The following NRG3 variants were observed in gnomAD, a reference collection of about 807,000 sequenced individuals.
The protein encoded by NRG3 is pro-neuregulin-3, membrane-bound isoform.
NRG3 carries 31 observed loss-of-function variants against 66.9 expected under a neutral mutation model. That is an observed-to-expected ratio of 0.46 (90% CI 0.35 to 0.63). The LOEUF is 0.63. Ranked by LOEUF, NRG3 falls within the 20% of genes least tolerant of loss-of-function variation. The pLI, the probability that NRG3 is intolerant of heterozygous loss-of-function variation, is 0.00. For missense variants in NRG3, 910 were observed against 878.9 expected, an observed-to-expected ratio of 1.04 and a Z score of -0.45; for synonymous variants, 393 against 359.4, an observed-to-expected ratio of 1.09 and a Z score of -1.06.
intron 2 of NRG3, among the ~76,000 whole-genome samples, chr10:82,380,268 T>TG (rs2085526480): frequency 1.7e-5 from 1 of 58,140 alleles, no homozygotes; most frequent in South Asian, 3.3e-4. Context: ...GCAGATCAGA[T>TG]TTTTTTTGCA....
At chr10:82,085,923 C>T (rs1162838407) in intron 1 of NRG3, among the ~76,000 whole-genome samples, 1 of 152,130 alleles carries the variant, frequency 6.6e-6, no homozygotes, top group Non-Finnish European at 1.5e-5. Context: ...CAGGCATGAG[C>T]CACCGCTCCT....
intron 8 of NRG3, among the ~76,000 whole-genome samples, chr10:82,983,536 T>A (rs1257634172): frequency 6.6e-6 from 1 of 152,188 alleles, no homozygotes; most frequent in Non-Finnish European, 1.5e-5. Context: ...GTAATTAGAA[T>A]AAGACAACTT....
At chr10:82,909,049 C>G (rs570146184) in intron 4 of NRG3, among the ~76,000 whole-genome samples, 1 of 152,346 alleles carries the variant, frequency 6.6e-6, no homozygotes, top group South Asian at 2.1e-4. Flanking sequence ...TCTCTTCAGG[C>G]TATATGCCTG....
At chr10:82,983,625 C>T (rs1923548) in intron 8 of NRG3, among the ~76,000 whole-genome samples, 59,799 of 151,904 alleles carry the variant, frequency 0.39, 12,373 homozygotes, top group Middle Eastern at 0.5. Context: ...GTCTATTTTA[C>T]GCACCCATTA....
chr10:82,107,428 T>C (rs77874464), intron 1 of NRG3, among the ~76,000 whole-genome samples: 4,163 of 152,302 alleles, frequency 0.027, 87 homozygotes, highest in Non-Finnish European at 0.04. Context: ...GATCCAACTT[T>C]TGCGTAAATA....
intron 1 of NRG3, among the ~76,000 whole-genome samples, chr10:81,909,561 C>T (rs577369478): frequency 6.6e-6 from 1 of 152,172 alleles, no homozygotes; most frequent in Admixed American, 6.5e-5. Flanking sequence ...GTACATTGAT[C>T]CAAAATTGGC....
At chr10:82,842,337 C>G (rs1298356671) in intron 3 of NRG3, among the ~76,000 whole-genome samples, 1 of 152,184 alleles carries the variant, frequency 6.6e-6, no homozygotes, top group African/African-American at 2.4e-5. Flanking sequence ...CAGAACTTGG[C>G]TTACCGAATG....
intron 2 of NRG3, among the ~76,000 whole-genome samples, chr10:82,552,824 A>T (rs1270481318): frequency 6.6e-6 from 1 of 152,182 alleles, no homozygotes; most frequent in Non-Finnish European, 1.5e-5. Context: ...GATGGGTTCA[A>T]AAACATATAG....
At chr10:82,117,627 A>G (rs1056849844) in intron 1 of NRG3, among the ~76,000 whole-genome samples, 1 of 152,084 alleles carries the variant, frequency 6.6e-6, no homozygotes, top group Non-Finnish European at 1.5e-5. Context: ...CCTGCCCATC[A>G]GAGACCCCAC....
chr10:82,003,173 G>A (rs185058951), intron 1 of NRG3, among the ~76,000 whole-genome samples: 1 of 152,238 alleles, frequency 6.6e-6, no homozygotes, highest in Non-Finnish European at 1.5e-5. Context: ...TTGATTTATG[G>A]GTAGGTGGCC....
At chr10:81,913,976 T>C (rs1414386790) in intron 1 of NRG3, among the ~76,000 whole-genome samples, 3 of 152,212 alleles carry the variant, frequency 2.0e-5, no homozygotes, top group South Asian at 2.1e-4. Context: ...TCCAGAGCTC[T>C]TGTGGCACTT....
intron 3 of NRG3, among the ~76,000 whole-genome samples, chr10:82,740,770 G>A (rs2058383179): frequency 6.9e-6 from 1 of 144,554 alleles, no homozygotes. Context: ...GTTGAAGTGA[G>A]CCAAGATCAC....
chr10:82,110,740 G>A (rs2067336422), intron 1 of NRG3, among the ~76,000 whole-genome samples: 1 of 152,038 alleles, frequency 6.6e-6, no homozygotes, highest in African/African-American at 2.4e-5. Flanking sequence ...TATGTCAGAT[G>A]TCTTTATATC....
At chr10:82,789,925 A>G (rs1356922088) in intron 3 of NRG3, among the ~76,000 whole-genome samples, 1 of 152,038 alleles carries the variant, frequency 6.6e-6, no homozygotes. Flanking sequence ...TTCAATAAAC[A>G]TTTTTACTTA....
intron 1 of NRG3, among the ~76,000 whole-genome samples, chr10:82,355,400 A>T (rs1482448840): frequency 6.6e-6 from 1 of 152,154 alleles, no homozygotes; most frequent in Non-Finnish European, 1.5e-5. Flanking sequence ...TTTATGTTCT[A>T]TTTTATGTGT....
chr10:82,618,267 A>G (rs184955837), intron 2 of NRG3, among the ~76,000 whole-genome samples: 1 of 152,074 alleles, frequency 6.6e-6, no homozygotes, highest in Non-Finnish European at 1.5e-5. Flanking sequence ...CAGCCTACCC[A>G]GATTGAAGGT....
At chr10:82,973,413 AT>A (rs1241368093) in intron 6 of NRG3, among the ~76,000 whole-genome samples, 1 of 152,218 alleles carries the variant, frequency 6.6e-6, no homozygotes, top group Non-Finnish European at 1.5e-5. Flanking sequence ...AATCCTTATT[AT>A]TAGTAACCCA....
chr10:82,287,677 G>T (rs1328724605), intron 1 of NRG3, among the ~76,000 whole-genome samples: 1 of 152,108 alleles, frequency 6.6e-6, no homozygotes, highest in African/African-American at 2.4e-5. Flanking sequence ...ATTATTTTTG[G>T]TAGACTCAAA....
chr10:82,646,990 T>C (rs570635478), intron 2 of NRG3, among the ~76,000 whole-genome samples: 1 of 151,944 alleles, frequency 6.6e-6, no homozygotes, highest in Admixed American at 6.6e-5. Flanking sequence ...TTTATTTTTT[T>C]ATGTTCTCTT....
Sources: gnomAD v4.1 joint callset for allele counts (sites outside exome capture counted in the v4.1 genomes callset) on GRCh38, gnomAD v4.1.1 for gene constraint, MANE v1.5 for transcripts, NCBI Gene and HGNC (gene_info 2026-07-23, HGNC 2026-07-21) for gene names.